The following AP3B2 variants were observed in gnomAD, a reference collection of about 807,000 sequenced individuals.
AP3B2 encodes AP-3 complex subunit beta-2.
In AP3B2, 50 loss-of-function variants were observed where a neutral mutation model predicts 126.9. The ratio of observed to expected loss-of-function variants is 0.39; its 90% CI spans 0.31 to 0.50. The LOEUF is 0.50. Ranked by LOEUF, AP3B2 falls within the 20% of genes least tolerant of loss-of-function variation. The probability of loss-of-function intolerance (pLI) is 0.79; values close to 1 mark genes in which losing one functional copy is unlikely to be tolerated. For synonymous variants in AP3B2, 541 were observed against 565.0 expected, an observed-to-expected ratio of 0.96 and a Z score of 0.60; for missense variants, 1,177 against 1,426.4, an observed-to-expected ratio of 0.83 and a Z score of 2.82.
intron 1 of AP3B2, among the ~76,000 whole-genome samples, chr15:82,707,253 C>T (rs1257653032): frequency 6.6e-6 from 1 of 152,194 alleles, no homozygotes; most frequent in Non-Finnish European, 1.5e-5. Context: ...TTTAAAAACA[C>T]ACCTCACCAA....
Position 82,662,829 on chromosome 15 carries a change from G to A in AP3B2, c.2698C>T (p.Pro900Ser), listed in dbSNP as rs755260949. 10 of 1,613,738 alleles carry A rather than the reference G, an allele frequency of 6.2e-6. No homozygotes were observed. The South Asian group carries it at 7.7e-5, about 12-fold the overall frequency. ...ACCATGTGGGGATCCCCGGAGAAAG[G>A]TTGGCGGCTGAAGGTGTAGTCCACA... ...LAVDYTFSRQPFSGDPHMVSV... is the reference protein window; with the variant it reads ...LAVDYTFSRQSFSGDPHMVSV... The change falls in exon 23 of 27, where the codon CCT becomes TCT. Residue 900 changes from proline to serine, a missense_variant. By Grantham distance (74) the Pro-to-Ser change is moderately conservative. Transcript: ENST00000535359.
intron 1 of AP3B2, among the ~76,000 whole-genome samples, chr15:82,696,071 G>A (rs961157855): frequency 6.6e-6 from 1 of 152,014 alleles, no homozygotes; most frequent in Non-Finnish European, 1.5e-5. Context: ...CCTTCTGCGT[G>A]CCTATATCCA....
intron 15 of AP3B2, among the ~76,000 whole-genome samples, chr15:82,666,316 G>A (rs1015786441): frequency 6.6e-6 from 1 of 152,252 alleles, no homozygotes; most frequent in Non-Finnish European, 1.5e-5. Context: ...TGGACTGACT[G>A]TAGTGACTAA....
chr15:82,676,476 C>G lies in AP3B2; in HGVS notation c.1650G>C (p.Leu550=). The G allele has an allele frequency of 6.2e-7, 1 of 1,613,856 alleles. No individual in the cohort carries two copies. ...QVINLAAKLY[L]TNSKQTKLLT... ...TAATCTTTACCTGTTTAGAGTTGGT[C>G]AGGTAGAGCTTGGCTGCCAGGTTGA... Residue 550 remains leucine (L), a synonymous_variant, in exon 14 of 27, where the codon CTG becomes CTC. Transcript: ENST00000535359.
chr15:82,662,245 C>T lies in AP3B2; in HGVS notation c.2841G>A (p.Leu947=). Residue 947 remains leucine (L), a synonymous_variant, in exon 24 of 27, where the codon CTG becomes CTA. Transcript: ENST00000535359. The part of the protein sequence containing the change: ...SIQEFPEIES[L]APGESATAVM... ...CAGCAGTGGCAGATTCTCCAGGTGCCAGGGACTCTGAAGTGGTATAAGGCA... is the reference window on the plus strand; with the variant it reads ...CAGCAGTGGCAGATTCTCCAGGTGCTAGGGACTCTGAAGTGGTATAAGGCA... 6.3e-7 allele frequency: 1 copy of T among 1,596,582 alleles called. No homozygotes were observed.
chr15:82,690,767 C>T (rs923948869), intron 1 of AP3B2, among the ~76,000 whole-genome samples: 20 of 151,042 alleles, frequency 1.3e-4, no homozygotes, highest in Admixed American at 1.3e-3. Context: ...CATTCTCCTG[C>T]CTCAGCCTAC....
At chr15:82,677,187 T>C (rs1418367439) in intron 13 of AP3B2, 87 bp downstream of exon 13, 8 of 1,162,770 alleles carry the variant, frequency 6.9e-6, no homozygotes, top group Non-Finnish European at 1.0e-5. Flanking sequence ...AAGTTACTTT[T>C]GATAAGGCTA....
intron 1 of AP3B2, among the ~76,000 whole-genome samples, chr15:82,695,848 T>C (rs958412015): frequency 1.3e-5 from 2 of 152,148 alleles, no homozygotes; most frequent in African/African-American, 4.8e-5. Context: ...ACTGAGCCCT[T>C]AACCTAAAAA....
At chr15:82,705,294 G>T (rs1177692607) in intron 1 of AP3B2, among the ~76,000 whole-genome samples, 1 of 152,130 alleles carries the variant, frequency 6.6e-6, no homozygotes, top group Non-Finnish European at 1.5e-5. Flanking sequence ...GCCTGTTACA[G>T]CATGGCCTTT....
intron 2 of AP3B2, 34 bp downstream of exon 2, chr15:82,689,344 C>A: frequency 6.2e-7 from 1 of 1,612,870 alleles, no homozygotes; most frequent in Non-Finnish European, 8.5e-7. Context: ...ACCCAGGCCC[C>A]GCCCGGAGGG....
chr15:82,690,803 G>A (rs996736311), intron 1 of AP3B2, among the ~76,000 whole-genome samples: 9 of 151,676 alleles, frequency 5.9e-5, no homozygotes, highest in South Asian at 2.1e-4. Context: ...ACAGGTACCC[G>A]CCACCACCAC....
intron 1 of AP3B2, among the ~76,000 whole-genome samples, chr15:82,697,451 G>T (rs903696778): frequency 1.2e-4 from 18 of 152,230 alleles, no homozygotes; most frequent in Non-Finnish European, 1.5e-5. Context: ...GAAAGAGCAT[G>T]ATAACAATCA....
rs187802447 is a variant in AP3B2 at position 82,661,970 on chromosome 15, C to T, written c.2919-48G>A. 4.3e-5 allele frequency: 65 copies of T among 1,516,772 alleles called. No homozygotes were observed. The East Asian group carries it at 1.2e-3, about 29-fold the overall frequency. The allele number at this position is 1,516,772 out of a possible 1,614,324, so 94.0% of individuals were successfully genotyped here. A position where few individuals can be genotyped will look rare whatever the true frequency, so the allele number is the denominator to read the frequency against. ...GAGAAGAATTAAGGCTGTCATCTCT[C>T]CCCTCACTTCCCACCCTGTGTAGAG... On this transcript the variant is annotated intron_variant, in intron 24 of 26. Transcript: ENST00000535359.
chr15:82,681,260 G>T lies in AP3B2; in HGVS notation c.522-82C>A. Reference sequence around the variant, plus strand: ...TCTGTCCAAGCCATGCTCACCTCCTGCACCCCAGCCTTATTGTTCTCCTCC... The same window carrying T: ...TCTGTCCAAGCCATGCTCACCTCCTTCACCCCAGCCTTATTGTTCTCCTCC... On this transcript the variant is annotated intron_variant, in intron 5 of 26. Coordinates refer to ENST00000535359, the MANE Select transcript of AP3B2 (RefSeq NM_001278512.2). The surrounding 1 kb of genome is among the most constrained non-coding windows in gnomAD (Gnocchi z 4.0). 6.5e-7 allele frequency: 1 copy of T among 1,532,582 alleles called. No individual in the cohort carries two copies. The allele number at this position is 1,532,582 out of a possible 1,614,324, so 94.9% of individuals were successfully genotyped here.
chr15:82,690,637 T>A (rs1360569488), intron 1 of AP3B2, among the ~76,000 whole-genome samples: 1 of 146,438 alleles, frequency 6.8e-6, no homozygotes, highest in Non-Finnish European at 1.5e-5. Flanking sequence ...CCACATTTTC[T>A]TCTTCTTTTT....
intron 4 of AP3B2, among the ~76,000 whole-genome samples, chr15:82,684,186 G>C (rs2048389527): frequency 6.6e-6 from 1 of 152,200 alleles, no homozygotes; most frequent in Admixed American, 6.5e-5. Context: ...AGGTAGGAAA[G>C]TGCTAGATGG....
In AP3B2 at chr15:82,659,472, G is replaced by A. The variant is rs902859274; in HGVS notation, c.*88C>T. ...CTATCTGGCATGAGGAGGATGATGAGAGAGAGAGAGAAAGATGAGAGAGAC... is the reference window on the plus strand; with the variant it reads ...CTATCTGGCATGAGGAGGATGATGAAAGAGAGAGAGAAAGATGAGAGAGAC... On this transcript the variant is annotated 3_prime_UTR_variant, in exon 27 of 27. Transcript: ENST00000535359. 3 of 1,519,238 alleles carry A rather than the reference G, an allele frequency of 2.0e-6. No individual in the cohort carries two copies. Among genetic ancestry groups the A allele is most frequent in the African/African-American group, 1.4e-5 (1 of 73,314 alleles). 94.1% of individuals were successfully genotyped at this position (1,519,238 alleles called of 1,614,324 possible).
intron 21 of AP3B2, 136 bp from the exon 22 acceptor site, chr15:82,663,369 T>C (rs904317384): frequency 1.0e-6 from 1 of 964,784 alleles, no homozygotes; most frequent in Non-Finnish European, 1.6e-6. Flanking sequence ...TCTCGCAAAA[T>C]ACCCATTCCT....
Position 82,663,486 on chromosome 15 carries a change from G to C in AP3B2, c.2497+74C>G, listed in dbSNP as rs530473936. 3.3e-6 allele frequency: 5 copies of C among 1,517,356 alleles called. No homozygotes were observed. The Admixed American group carries it at 6.8e-5, about 21-fold the overall frequency. 94.0% of individuals were successfully genotyped at this position (1,517,356 alleles called of 1,614,324 possible). On this transcript the variant is annotated intron_variant, in intron 21 of 26. Coordinates refer to ENST00000535359, the MANE Select transcript of AP3B2 (RefSeq NM_001278512.2). ...CACAAGACCTGAGGAACCCGATCCA[G>C]AGTCCCTATGGGCTGTTCTAATTCA...
Sources: gnomAD v4.1 joint callset for allele counts (sites outside exome capture counted in the v4.1 genomes callset) on GRCh38, gnomAD v4.1.1 for gene constraint, Gnocchi (gnomAD v3.1) non-coding constraint, MANE v1.5 for transcripts, NCBI Gene and HGNC (gene_info 2026-07-23, HGNC 2026-07-21) for gene names.